The following DCAF8 variants were observed in gnomAD, a reference collection of about 807,000 sequenced individuals.
The protein encoded by DCAF8 is DDB1- and CUL4-associated factor 8.
A neutral mutation model predicts 68.0 loss-of-function variants in DCAF8; 20 were observed. The ratio of observed to expected loss-of-function variants is 0.29; its 90% CI spans 0.21 to 0.43. The LOEUF (loss-of-function observed/expected upper bound fraction) is 0.43. DCAF8 is among the 20% of genes least tolerant of loss of function. The pLI is 1.00. For missense variants in DCAF8, 460 were observed against 771.0 expected, an observed-to-expected ratio of 0.60 and a Z score of 4.78; for synonymous variants, 230 against 276.9, an observed-to-expected ratio of 0.83 and a Z score of 1.68.
intron 6 of DCAF8, among the ~76,000 whole-genome samples, chr1:160,231,609 G>A (rs1001785836): frequency 3.3e-5 from 5 of 152,102 alleles, no homozygotes; most frequent in African/African-American, 4.8e-5. Context: ...GGGACTTTGG[G>A]GATTGGGGAA....
intron 2 of DCAF8, among the ~76,000 whole-genome samples, chr1:160,251,931 C>T (rs1413249300): frequency 6.6e-6 from 1 of 152,168 alleles, no homozygotes; most frequent in African/African-American, 2.4e-5. Flanking sequence ...GACACTGTCT[C>T]CTCTGGTAGG....
chr1:160,231,247 A>G, intron 7 of DCAF8, 50 bp downstream of exon 7: 1 of 1,251,816 alleles, frequency 8.0e-7, no homozygotes, highest in Non-Finnish European at 1.2e-6. Context: ...GTAGTATACA[A>G]TGCATCAGTC....
At position 160,225,042 on chromosome 1, in the gene DCAF8, G is replaced by A. The variant is rs1350075759; in HGVS notation, c.1201+20C>T. On this transcript the variant is annotated intron_variant, in intron 9 of 13. Coordinates refer to ENST00000368074, the MANE Select transcript of DCAF8 (RefSeq NM_015726.4). ...ACAGAGGGGGCATGCCAGCCTAGGAGCTGGGCCCTGCTCACGTACCTGTGC... is the reference window on the plus strand; with the variant it reads ...ACAGAGGGGGCATGCCAGCCTAGGAACTGGGCCCTGCTCACGTACCTGTGC... The A allele has an allele frequency of 6.2e-7, 1 of 1,613,676 alleles. No individual in the cohort carries two copies. The highest frequency in any genetic ancestry group is 8.5e-7 in the Non-Finnish European group (1 of 1,179,664).
intron 2 of DCAF8, among the ~76,000 whole-genome samples, chr1:160,254,452 AT>A (rs1571114066): frequency 6.6e-6 from 1 of 152,190 alleles, no homozygotes; most frequent in Non-Finnish European, 1.5e-5. Context: ...TTTATAAGAA[AT>A]ATTTAATTCT....
chr1:160,216,384 G>A lies in DCAF8; in HGVS notation c.*1208C>T, dbSNP rs1655120725. ...TCTGCAGTGGTGGCACCACCCTAAAGTAGTTAAGTTTTAAAGACAGGCCAG... is the reference window on the plus strand; with the variant it reads ...TCTGCAGTGGTGGCACCACCCTAAAATAGTTAAGTTTTAAAGACAGGCCAG... On this transcript the variant is annotated 3_prime_UTR_variant, in exon 14 of 14. Transcript: ENST00000368074. The A allele has an allele frequency of 6.6e-6, 1 of 152,162 alleles. No homozygotes were observed. The highest frequency in any genetic ancestry group is 6.5e-5 in the Admixed American group (1 of 15,276). 9.4% of individuals were successfully genotyped at this position (152,162 alleles called of 1,614,324 possible).
intron 6 of DCAF8, among the ~76,000 whole-genome samples, chr1:160,233,795 C>A (rs1018605771): frequency 6.6e-6 from 1 of 152,132 alleles, no homozygotes; most frequent in African/African-American, 2.4e-5. Context: ...TCCCATAAAA[C>A]AAACATTTCT....
chr1:160,251,252 T>C (rs187613726), intron 2 of DCAF8, among the ~76,000 whole-genome samples: 2 of 152,356 alleles, frequency 1.3e-5, no homozygotes, highest in African/African-American at 4.8e-5. Context: ...AATGAGCAGC[T>C]GTTCAGGGTT....
chr1:160,259,856 T>C (rs1281610851), intron 2 of DCAF8, among the ~76,000 whole-genome samples: 1 of 152,186 alleles, frequency 6.6e-6, no homozygotes, highest in Non-Finnish European at 1.5e-5. Context: ...GAATACATTT[T>C]GAAATATACA....
chr1:160,262,011 C>T (rs1657115060), intron 1 of DCAF8: 1 of 221,748 alleles, frequency 4.5e-6, no homozygotes, highest in African/African-American at 2.3e-5. Context: ...GAGCCGTGTC[C>T]CTCAATCTAA....
At chr1:160,236,301 CATACATATATACGTGTGTGTATATAA>C (rs1468547550) in intron 6 of DCAF8, among the ~76,000 whole-genome samples, 3 of 150,576 alleles carry the variant, frequency 2.0e-5, no homozygotes, top group Non-Finnish European at 4.4e-5. Context: ...TATATATATA[CATACATATATACGTGTGTGTATATAA>C]ATACATATGT....
At chr1:160,246,472 T>G (rs1656343470) in intron 2 of DCAF8, among the ~76,000 whole-genome samples, 1 of 152,198 alleles carries the variant, frequency 6.6e-6, no homozygotes, top group Admixed American at 6.5e-5. Context: ...CAAACTTTGA[T>G]TATGAACCTA....
At chr1:160,247,589 GA>G (rs1247658087) in intron 2 of DCAF8, among the ~76,000 whole-genome samples, 1 of 152,176 alleles carries the variant, frequency 6.6e-6, no homozygotes, top group Non-Finnish European at 1.5e-5. Context: ...CTTGGGGCCA[GA>G]AGTGTTTCAA....
chr1:160,218,122 C>A, intron 13 of DCAF8: 1 of 630,060 alleles, frequency 1.6e-6, no homozygotes. Context: ...TACACATGGA[C>A]GGCAATGGAC....
At chr1:160,231,945 C>G (rs1250426212) in intron 6 of DCAF8, among the ~76,000 whole-genome samples, 1 of 152,208 alleles carries the variant, frequency 6.6e-6, no homozygotes. Flanking sequence ...AATCCCTACA[C>G]TTTGGGAGAC....
chr1:160,247,667 CCAA>C, intron 2 of DCAF8, among the ~76,000 whole-genome samples: 1 of 152,262 alleles, frequency 6.6e-6, no homozygotes, highest in South Asian at 2.1e-4. Flanking sequence ...CCAAAATGCT[CCAA>C]CGAGTATTTC....
chr1:160,250,359 G>A (rs1246053615), intron 2 of DCAF8, among the ~76,000 whole-genome samples: 3 of 151,654 alleles, frequency 2.0e-5, no homozygotes, highest in East Asian at 3.9e-4. Context: ...CCAGCTACTC[G>A]GGAGGCTGAG....
chr1:160,225,764 T>A, intron 7 of DCAF8, 101 bp from the exon 8 acceptor site: 1 of 877,718 alleles, frequency 1.1e-6, no homozygotes, highest in Non-Finnish European at 1.8e-6. Context: ...TGGATGCAGA[T>A]AAACAACATT....
chr1:160,259,550 A>ACAAG (rs1553198972), intron 2 of DCAF8, among the ~76,000 whole-genome samples: 8 of 149,020 alleles, frequency 5.4e-5, no homozygotes, highest in South Asian at 2.2e-4. Flanking sequence ...AAACAAACAA[A>ACAAG]AAAAACCTCT....
chr1:160,222,014 A>G (rs1438746869), intron 11 of DCAF8, among the ~76,000 whole-genome samples: 1 of 152,138 alleles, frequency 6.6e-6, no homozygotes, highest in East Asian at 1.9e-4. Flanking sequence ...CTAAAAAACA[A>G]TTGCCACATT....
Sources: gnomAD v4.1 joint callset for allele counts (sites outside exome capture counted in the v4.1 genomes callset) on GRCh38, gnomAD v4.1.1 for gene constraint, MANE v1.5 for transcripts, NCBI Gene and HGNC (gene_info 2026-07-23, HGNC 2026-07-21) for gene names.